The following TSPEAR variants were observed in gnomAD, a reference collection of about 807,000 sequenced individuals.
TSPEAR encodes thrombospondin-type laminin G domain and EAR repeat-containing protein.
A neutral mutation model predicts 71.6 loss-of-function variants in TSPEAR; 69 were observed. The ratio of observed to expected loss-of-function variants is 0.96; its 90% CI spans 0.79 to 1.18. The LOEUF (loss-of-function observed/expected upper bound fraction) is 1.18, where lower values mean the gene tolerates loss of function less well. Ranked by LOEUF, TSPEAR falls within the 50% of genes most tolerant of loss-of-function variation. The probability of loss-of-function intolerance (pLI) is 0.00; values close to 1 mark genes in which losing one functional copy is unlikely to be tolerated. For synonymous variants in TSPEAR, 402 were observed against 387.2 expected (o/e 1.04, Z -0.45); for missense variants, 971 against 894.9 (o/e 1.09, Z -1.09).
rs1341789235 is a variant in TSPEAR, at chr21:44,539,340, G to A, written c.304-5417C>T. ...CGGGAGCACGCGGGGCGGCAGAGGA[G>A]GGACACGCAGGAGGCCGGGCGGCAG... On this transcript the variant is annotated intron_variant, in intron 2 of 11. Coordinates refer to ENST00000323084, the MANE Select transcript of TSPEAR (RefSeq NM_144991.3). 15 of 1,612,104 alleles carry A rather than the reference G, an allele frequency of 9.3e-6. No homozygotes were observed. The highest frequency in any genetic ancestry group is 5.5e-5 in the South Asian group (5 of 90,966).
At chr21:44,637,423 C>T (rs782136160) in intron 1 of TSPEAR, 16 of 1,603,100 alleles carry the variant, frequency 1.0e-5, no homozygotes, top group East Asian at 6.7e-5. Context: ...CCAGCATGGC[C>T]GCCTCCACCA....
chr21:44,595,369 G>T (rs1213237764), intron 1 of TSPEAR, among the ~76,000 whole-genome samples: 1 of 152,122 alleles, frequency 6.6e-6, no homozygotes, highest in East Asian at 1.9e-4. Flanking sequence ...GAAGCACAGG[G>T]TTATGGTCTC....
intron 1 of TSPEAR, among the ~76,000 whole-genome samples, chr21:44,708,754 C>T (rs1282752158): frequency 6.6e-6 from 1 of 152,326 alleles, no homozygotes; most frequent in East Asian, 1.9e-4. Flanking sequence ...CCCTCCTGGA[C>T]ACCTGCAGGG....
chr21:44,523,059 C>T (rs2052767095), intron 8 of TSPEAR, among the ~76,000 whole-genome samples: 1 of 151,760 alleles, frequency 6.6e-6, no homozygotes, highest in African/African-American at 2.4e-5. Flanking sequence ...GTCAGTCAGC[C>T]AGGTAGTTAG....
rs1198766747 is a variant in TSPEAR, at chr21:44,612,699, C to T, written c.83-44694G>A. ...AGCTGCCAGCCGGCTTGCTGCACCA[C>T]CTCCTGCTGCAGACCCTCCTCCTCC... On this transcript the variant is annotated intron_variant, in intron 1 of 11. Coordinates refer to ENST00000323084, the MANE Select transcript of TSPEAR (RefSeq NM_144991.3). This position sits in a 1 kb window ranked among gnomAD's most constrained non-coding sequence, Gnocchi z 4.1. The T allele has an allele frequency of 3.1e-6, 5 of 1,613,946 alleles. No individual in the cohort carries two copies. Among genetic ancestry groups the T allele is most frequent in the Non-Finnish European group, 4.2e-6 (5 of 1,179,972 alleles).
Position 44,711,468 on chromosome 21 carries a change from G to C in TSPEAR, c.47C>G (p.Pro16Arg). 1 of 1,611,550 alleles carries C rather than the reference G, an allele frequency of 6.2e-7. No homozygotes were observed. Among genetic ancestry groups the C allele is most frequent in the Non-Finnish European group, 8.5e-7 (1 of 1,179,282 alleles). The change falls in exon 1 of 12, where the codon CCC becomes CGC. Residue 16 changes from proline (P) to arginine (R), a missense_variant. Pro to Arg is a moderately radical substitution (Grantham distance 103). Transcript: ENST00000323084. This position sits in a 1 kb window ranked among gnomAD's most constrained non-coding sequence, Gnocchi z 4.5. ...CTCCCAACCCTGCGTGCCGTGGCCGGGGGCCGCCAGGGGCAGCACAAAACA... is the reference window on the plus strand; with the variant it reads ...CTCCCAACCCTGCGTGCCGTGGCCGCGGGCCGCCAGGGGCAGCACAAAACA... Reference protein sequence around the residue: ...SLCFVLPLAAPGHGTQGWEPC... With the variant: ...SLCFVLPLAARGHGTQGWEPC...
At chr21:44,600,721 G>T in intron 1 of TSPEAR, 1 of 1,612,852 alleles carries the variant, frequency 6.2e-7, no homozygotes, top group East Asian at 2.2e-5. Context: ...CTCCTGGCAG[G>T]TGGACGACTG....
At chr21:44,578,981 T>G (rs1204055220) in intron 1 of TSPEAR, among the ~76,000 whole-genome samples, 1 of 152,198 alleles carries the variant, frequency 6.6e-6, no homozygotes, top group Non-Finnish European at 1.5e-5. Flanking sequence ...CACTCCATGA[T>G]GCTTTCGTCC....
intron 1 of TSPEAR, chr21:44,681,960 C>T (rs1475487476): frequency 1.9e-6 from 3 of 1,613,796 alleles, no homozygotes. Flanking sequence ...CACGGGCACG[C>T]ACACAGAGGA....
At chr21:44,639,391 C>G (rs1983889369) in intron 1 of TSPEAR, among the ~76,000 whole-genome samples, 1 of 152,224 alleles carries the variant, frequency 6.6e-6, no homozygotes, top group Non-Finnish European at 1.5e-5. Flanking sequence ...CCAGCCCCAG[C>G]ACCAGGACCT....
At chr21:44,709,969 G>C (rs1988132835) in intron 1 of TSPEAR, among the ~76,000 whole-genome samples, 1 of 152,194 alleles carries the variant, frequency 6.6e-6, no homozygotes, top group Non-Finnish European at 1.5e-5. Context: ...CGTAGCTTCA[G>C]GGGAGAGGGG....
Position 44,550,492 on chromosome 21 carries a change from C to G in TSPEAR, c.304-16569G>C, listed in dbSNP as rs112903641. The G allele has an allele frequency of 4.2e-6, 3 of 714,538 alleles. No homozygotes were observed. The Admixed American group carries it at 8.9e-5, about 21-fold the overall frequency. 44.3% of individuals were successfully genotyped at this position (714,538 alleles called of 1,614,324 possible). Reference sequence around the variant, plus strand: ...GTTGTGGTCTGCAGCCAGGAAGCACCGTGAGGAGAAGCCAGGGCTCGCCCG... The same window carrying G: ...GTTGTGGTCTGCAGCCAGGAAGCACGGTGAGGAGAAGCCAGGGCTCGCCCG... On this transcript the variant is annotated intron_variant, in intron 2 of 11. Coordinates refer to ENST00000323084, the MANE Select transcript of TSPEAR (RefSeq NM_144991.3).
intron 1 of TSPEAR, among the ~76,000 whole-genome samples, chr21:44,589,450 A>G (rs1214050976): frequency 6.6e-6 from 1 of 152,210 alleles, no homozygotes; most frequent in Non-Finnish European, 1.5e-5. Flanking sequence ...TGCTGTGTAC[A>G]TGGGCGCACA....
intron 2 of TSPEAR, among the ~76,000 whole-genome samples, chr21:44,548,491 G>C (rs1212296864): frequency 6.6e-6 from 1 of 152,186 alleles, no homozygotes; most frequent in Non-Finnish European, 1.5e-5. Context: ...TTGGGGAAGT[G>C]ATGGCGGAGG....
chr21:44,504,131 C>T (rs1601317458), intron 11 of TSPEAR, among the ~76,000 whole-genome samples: 1 of 144,804 alleles, frequency 6.9e-6, no homozygotes, highest in Non-Finnish European at 1.5e-5. Flanking sequence ...GGAAGCCGGC[C>T]TCAGTGAGCC....
At chr21:44,653,657 G>A (rs1555941909) in intron 1 of TSPEAR, among the ~76,000 whole-genome samples, 1 of 152,226 alleles carries the variant, frequency 6.6e-6, no homozygotes, top group East Asian at 1.9e-4. Context: ...TAAGCAGATG[G>A]CCCGTTTTAC....
chr21:44,573,768 TGCTCCAGCGACCTGA>T (rs1978295530), intron 1 of TSPEAR: 1 of 1,613,838 alleles, frequency 6.2e-7, no homozygotes, highest in Admixed American at 1.7e-5. Flanking sequence ...CATGTCCGTC[TGCTCCAGCGACCTGA>T]GCTACAGCAG....
intron 1 of TSPEAR, chr21:44,575,343 T>A (rs782581890): frequency 1.5e-5 from 5 of 338,064 alleles, no homozygotes; most frequent in Admixed American, 4.5e-5. Context: ...AGCTGACCAA[T>A]AAAGGCCCTG....
At chr21:44,641,034 G>A (rs782157965) in intron 1 of TSPEAR, among the ~76,000 whole-genome samples, 7 of 152,182 alleles carry the variant, frequency 4.6e-5, no homozygotes, top group East Asian at 1.9e-4. Flanking sequence ...TCCAATCAGC[G>A]ATGAACAAGG....
Sources: allele counts gnomAD v4.1 joint callset (sites outside exome capture counted in the v4.1 genomes callset), GRCh38; gene constraint gnomAD v4.1.1; non-coding constraint Gnocchi (gnomAD v3.1); transcripts MANE v1.5; gene names NCBI Gene and HGNC (gene_info 2026-07-23, HGNC 2026-07-21).